Variants in LINC00305 observed in about 807,000 individuals in gnomAD.
LINC00305 encodes the protein long independently transcribed non-coding RNA 305, also known as long intergenic non-protein coding RNA 305.
chr18:64,136,529 G>A (rs2051434938), intron 1 of LINC00305, among the ~76,000 whole-genome samples: 1 of 152,118 alleles, frequency 6.6e-6, no homozygotes, highest in South Asian at 2.1e-4. Context: ...ACAGCATGGG[G>A]CAAACCACCC....
intron 1 of LINC00305, among the ~76,000 whole-genome samples, chr18:64,125,496 G>A (rs2051380701): frequency 6.6e-6 from 1 of 151,964 alleles, no homozygotes; most frequent in Non-Finnish European, 1.5e-5. Flanking sequence ...AGCATTACAT[G>A]GTTAATCTTT....
At chr18:64,143,824 G>A (rs1413793426) in intron 1 of LINC00305, among the ~76,000 whole-genome samples, 1 of 150,142 alleles carries the variant, frequency 6.7e-6, no homozygotes, top group South Asian at 2.1e-4. Context: ...TATATACACA[G>A]AGATAATTCT....
chr18:64,105,126 C>T (rs919715338), intron 1 of LINC00305, among the ~76,000 whole-genome samples: 2 of 152,090 alleles, frequency 1.3e-5, no homozygotes, highest in Non-Finnish European at 1.5e-5. Context: ...TCTGCTTCAA[C>T]CTGCCATGTA....
At chr18:64,132,401 G>T (rs924171011) in intron 1 of LINC00305, among the ~76,000 whole-genome samples, 2 of 152,110 alleles carry the variant, frequency 1.3e-5, no homozygotes, top group Non-Finnish European at 2.9e-5. Flanking sequence ...ATAAAAAGGG[G>T]TGCCTCATTA....
At chr18:64,110,570 T>G (rs2051310937) in intron 1 of LINC00305, among the ~76,000 whole-genome samples, 2 of 152,190 alleles carry the variant, frequency 1.3e-5, no homozygotes, top group Non-Finnish European at 2.9e-5. Context: ...ATGCTTGAGA[T>G]TTTTTTATGG....
intron 3 of LINC00305, among the ~76,000 whole-genome samples, chr18:64,088,135 G>A (rs906803073): frequency 4.0e-5 from 6 of 151,022 alleles, no homozygotes; most frequent in African/African-American, 9.8e-5. Flanking sequence ...GCGAGACTCC[G>A]TATCAGGAAA....
chr18:64,096,251 T>G (rs2676668), intron 3 of LINC00305, among the ~76,000 whole-genome samples: 22,660 of 151,886 alleles, frequency 0.15, 1,738 homozygotes, highest in Non-Finnish European at 0.16. Context: ...GACTCAGGAT[T>G]GTATGCATAT....
chr18:64,105,664 G>C (rs1027133409), intron 1 of LINC00305, among the ~76,000 whole-genome samples: 1 of 152,082 alleles, frequency 6.6e-6, no homozygotes, highest in East Asian at 1.9e-4. Flanking sequence ...TATGGGATAG[G>C]GTGGCAATGG....
chr18:64,106,378 A>C (rs1315117870), intron 1 of LINC00305, among the ~76,000 whole-genome samples: 6 of 152,070 alleles, frequency 3.9e-5, no homozygotes, highest in African/African-American at 1.4e-4. Flanking sequence ...TCTTTACTCC[A>C]CACCTGCTCC....
intron 3 of LINC00305, among the ~76,000 whole-genome samples, chr18:64,095,888 G>A (rs1426823979): frequency 6.6e-6 from 1 of 152,080 alleles, no homozygotes; most frequent in Non-Finnish European, 1.5e-5. Flanking sequence ...AGAGATCAAT[G>A]AGTATCTGGA....
At chr18:64,133,770 C>T (rs2051420417) in intron 1 of LINC00305, among the ~76,000 whole-genome samples, 2 of 152,130 alleles carry the variant, frequency 1.3e-5, no homozygotes, top group South Asian at 2.1e-4. Flanking sequence ...CTGATTTTCC[C>T]ATTTCATAGA....
intron 1 of LINC00305, among the ~76,000 whole-genome samples, chr18:64,116,527 A>G (rs1379727981): frequency 2.0e-5 from 3 of 152,186 alleles, no homozygotes; most frequent in African/African-American, 7.2e-5. Flanking sequence ...TTGATGTTAC[A>G]CAACATATAT....
At chr18:64,123,395 T>A (rs887271682) in intron 1 of LINC00305, among the ~76,000 whole-genome samples, 1 of 152,110 alleles carries the variant, frequency 6.6e-6, no homozygotes, top group Admixed American at 6.6e-5. Flanking sequence ...TTTAGGAATA[T>A]TTAAGACTCA....
chr18:64,085,763 A>C (rs1037549763), intron 3 of LINC00305, among the ~76,000 whole-genome samples: 2 of 152,174 alleles, frequency 1.3e-5, no homozygotes. Context: ...GCCCAGTTTT[A>C]TGTGTCATTT....
chr18:64,103,359 T>TC (rs1371277497), intron 1 of LINC00305, among the ~76,000 whole-genome samples: 1 of 152,162 alleles, frequency 6.6e-6, no homozygotes, highest in Non-Finnish European at 1.5e-5. Flanking sequence ...AATTATTTTT[T>TC]CCTAAGCAGC....
chr18:64,138,633 T>A (rs1045225397), intron 1 of LINC00305, among the ~76,000 whole-genome samples: 13 of 152,308 alleles, frequency 8.5e-5, no homozygotes, highest in Admixed American at 8.5e-4. Context: ...TTAGTTCTAC[T>A]CCGGGTTGTT....
chr18:64,103,123 T>G (rs2051274394), intron 1 of LINC00305, among the ~76,000 whole-genome samples: 1 of 152,234 alleles, frequency 6.6e-6, no homozygotes, highest in South Asian at 2.1e-4. Flanking sequence ...ACATTCTATT[T>G]CTAGCTTCCT....
intron 1 of LINC00305, among the ~76,000 whole-genome samples, chr18:64,140,946 A>G (rs895753361): frequency 7.3e-5 from 11 of 150,280 alleles, no homozygotes; most frequent in African/African-American, 2.2e-4. Context: ...AGCTGGGTGT[A>G]CTTTGGAAGC....
At chr18:64,141,052 T>TAA (rs34175314) in intron 1 of LINC00305, among the ~76,000 whole-genome samples, 3,356 of 96,220 alleles carry the variant, frequency 0.035, 151 homozygotes, top group African/African-American at 0.072. Context: ...GCCTGAATGA[T>TAA]AAAAAAAAAA....
Sources: allele counts gnomAD v4.1 joint callset (sites outside exome capture counted in the v4.1 genomes callset), GRCh38; gene constraint gnomAD v4.1.1; transcripts MANE v1.5; gene names NCBI Gene and HGNC (gene_info 2026-07-23, HGNC 2026-07-21).